Variants in USP33 observed in about 807,000 individuals in gnomAD.
The protein encoded by USP33 is ubiquitin specific peptidase 33.
Under a neutral mutation model 124.2 loss-of-function variants are expected in USP33, and 46 were observed. That is an observed-to-expected ratio of 0.37 (90% CI 0.29 to 0.47). The LOEUF (loss-of-function observed/expected upper bound fraction) is 0.47. USP33 is among the 20% of genes least tolerant of loss of function. The pLI, the probability that USP33 is intolerant of heterozygous loss-of-function variation, is 0.99. For missense variants in USP33, 851 were observed against 1,070.6 expected, an observed-to-expected ratio of 0.79 and a Z score of 2.86; for synonymous variants, 350 against 352.3, an observed-to-expected ratio of 0.99 and a Z score of 0.07.
rs1674105638 is a variant in USP33 at position 77,702,162 on chromosome 1, A to C, written c.2407-691T>G. On this transcript the variant is annotated intron_variant, in intron 21 of 23. Coordinates refer to ENST00000370794, the MANE Select transcript of USP33 (RefSeq NM_201624.3). ...GTCTCAAAAAAAAAAAAAAAAAAAAAAAAAAAAAAAAAAAACCAGTGGTAC... is the reference window on the plus strand; with the variant it reads ...GTCTCAAAAAAAAAAAAAAAAAAAACAAAAAAAAAAAAAAACCAGTGGTAC... Among the ~76,000 whole-genome samples the C allele has an allele frequency of 2.8e-5, 4 of 145,388 alleles. No homozygotes were observed. The South Asian group carries it at 6.5e-4, about 24-fold the overall frequency.
chr1:77,750,241 C>A (rs923981056), intron 1 of USP33, among the ~76,000 whole-genome samples: 3 of 152,196 alleles, frequency 2.0e-5, no homozygotes, highest in Middle Eastern at 3.4e-3. Context: ...TCACTTGAAC[C>A]CAGGAGGCAG....
chr1:77,738,373 C>T (rs2101535986), intron 5 of USP33, among the ~76,000 whole-genome samples: 1 of 152,230 alleles, frequency 6.6e-6, no homozygotes, highest in Non-Finnish European at 1.5e-5. Context: ...AGTTAATTTC[C>T]TTTTTCCTAT....
Position 77,697,400 on chromosome 1 carries a change from T to C in USP33, c.2653A>G (p.Ile885Val). 1 of 1,613,612 alleles carries C rather than the reference T, an allele frequency of 6.2e-7. No individual in the cohort carries two copies. Among genetic ancestry groups the C allele is most frequent in the South Asian group, 1.1e-5 (1 of 90,924 alleles). Residue 885 changes from isoleucine (I) to valine (V), a missense_variant, in exon 24 of 24, where the codon ATC becomes GTC. Around this residue, in one of 4 missense-constraint regions of USP33, gnomAD observed 142 missense variants for 141.8 expected, o/e 1.00. Transcript: ENST00000370794. ...QSIYGGGPEV[I>V]LRPPVVHVDP... ...ACATGAACAACCGGAGGTCGCAGGA[T>C]AACTTCAGGCCCTCCACCATAAATA...
chr1:77,757,787 C>G lies in USP33; in HGVS notation c.-52+1856G>C, dbSNP rs117280696. On this transcript the variant is annotated intron_variant, in intron 1 of 23. Coordinates refer to ENST00000370794, the MANE Select transcript of USP33 (RefSeq NM_201624.3). ...TTTCAGGCTTTACGAAATTCTGATC[C>G]TTACACAATCTTGAAATGTTTCTGT... Among the ~76,000 whole-genome samples the G allele has an allele frequency of 3.3e-3, 500 of 152,260 alleles. 4 individuals carry two copies. The highest frequency in any genetic ancestry group is 0.024 in the East Asian group (122 of 5,184).
chr1:77,722,410 T>A, intron 12 of USP33: 1 of 469,890 alleles, frequency 2.1e-6, no homozygotes, highest in South Asian at 2.6e-5. Context: ...GTACCAGGTA[T>A]CTTCACGTAA....
intron 20 of USP33, among the ~76,000 whole-genome samples, chr1:77,712,675 G>A (rs1282433262): frequency 6.6e-6 from 1 of 151,866 alleles, no homozygotes. Flanking sequence ...AGGCAACATG[G>A]CAAAACCCCA....
chr1:77,733,584 C>T (rs1678093922), intron 7 of USP33, among the ~76,000 whole-genome samples: 1 of 152,062 alleles, frequency 6.6e-6, no homozygotes, highest in South Asian at 2.1e-4. Flanking sequence ...ATCCCTAATA[C>T]AAAATACAAA....
At chr1:77,756,853 A>G (rs1173115453) in intron 1 of USP33, among the ~76,000 whole-genome samples, 1 of 152,176 alleles carries the variant, frequency 6.6e-6, no homozygotes, top group Admixed American at 6.5e-5. Context: ...TAATGGTCAC[A>G]ATCTAGCTTA....
rs1674120589 is a variant in USP33 at position 77,702,179 on chromosome 1, C to CAAA, written c.2407-709_2407-708insTTT. Among the ~76,000 whole-genome samples, 26 of 46,638 alleles carry CAAA rather than the reference C, an allele frequency of 5.6e-4. 4 individuals carry two copies. The highest frequency in any genetic ancestry group is 1.1e-3 in the Non-Finnish European group (22 of 19,918). 30.6% of individuals were successfully genotyped at this position (46,638 alleles called of 152,430 possible). A position where few individuals can be genotyped will look rare whatever the true frequency, so the allele number is the denominator to read the frequency against. On this transcript the variant is annotated intron_variant, in intron 21 of 23. Transcript: ENST00000370794. ...AAAAAAAAAAAAAAAAAAAAAAAAC[C>CAAA]AGTGGTACAGTAAGATGTATGCTAA...
intron 12 of USP33, among the ~76,000 whole-genome samples, chr1:77,722,565 T>C (rs2101392482): frequency 6.6e-6 from 1 of 152,242 alleles, no homozygotes; most frequent in East Asian, 1.9e-4. Context: ...ATGGTAGTTT[T>C]AAAATATTTT....
intron 1 of USP33, among the ~76,000 whole-genome samples, chr1:77,748,799 G>C (rs1342126379): frequency 1.1e-5 from 1 of 92,870 alleles, no homozygotes; most frequent in Non-Finnish European, 2.0e-5. Context: ...CCCCGTGCTT[G>C]AATCAGGATT....
intron 9 of USP33, 111 bp downstream of exon 9, chr1:77,729,745 AAAAG>A (rs752795705): frequency 3.6e-4 from 327 of 916,822 alleles, no homozygotes; most frequent in Non-Finnish European, 5.3e-4. Context: ...TATTCTTGGC[AAAAG>A]AAAGACACAA....
chr1:77,748,128 T>A (rs910085937), intron 1 of USP33, among the ~76,000 whole-genome samples: 1 of 152,232 alleles, frequency 6.6e-6, no homozygotes, highest in East Asian at 1.9e-4. Flanking sequence ...CAAAAAGTTT[T>A]ACTTCTTTTC....
chr1:77,702,653 G>A (rs1051319212), intron 21 of USP33, among the ~76,000 whole-genome samples: 1 of 152,068 alleles, frequency 6.6e-6, no homozygotes, highest in East Asian at 1.9e-4. Context: ...TGACCTAATG[G>A]TTAGAATGGA....
chr1:77,755,725 T>C (rs1408780339), intron 1 of USP33, among the ~76,000 whole-genome samples: 1 of 152,186 alleles, frequency 6.6e-6, no homozygotes, highest in East Asian at 1.9e-4. Flanking sequence ...GAAATTCCTC[T>C]TCTAGGATTT....
chr1:77,759,785 GC>G lies in USP33; in HGVS notation c.-195del. The G allele has an allele frequency of 2.5e-6, 1 of 397,846 alleles. No homozygotes were observed. Among genetic ancestry groups the G allele is most frequent in the Non-Finnish European group, 4.4e-6 (1 of 225,516 alleles). 24.6% of individuals were successfully genotyped at this position (397,846 alleles called of 1,614,324 possible). A position where few individuals can be genotyped will look rare whatever the true frequency, so the allele number is the denominator to read the frequency against. On this transcript the variant is annotated 5_prime_UTR_variant, in exon 1 of 24. Transcript: ENST00000370794. ...GGCCGGAAAACGGCCCCGCAGCGCT[GC>G]CCTCGGGGGGTCCGCCTCCTGAACT... is the stretch of plus-strand genomic sequence containing the variant.
intron 22 of USP33, among the ~76,000 whole-genome samples, chr1:77,699,268 C>T (rs1012754641): frequency 6.6e-6 from 1 of 152,152 alleles, no homozygotes; most frequent in Non-Finnish European, 1.5e-5. Context: ...TGCCTGTAAT[C>T]CCACCACTTT....
chr1:77,703,637 A>T (rs1478529474), intron 21 of USP33, among the ~76,000 whole-genome samples: 1 of 152,082 alleles, frequency 6.6e-6, no homozygotes. Context: ...AGTAAAATAA[A>T]ATATAAAACT....
At chr1:77,714,924 G>C in intron 18 of USP33, 141 bp from the exon 19 acceptor site, 1 of 825,852 alleles carries the variant, frequency 1.2e-6, no homozygotes, top group Non-Finnish European at 1.9e-6. Context: ...AATATACTTT[G>C]TATTATCCAC....
Sources: gnomAD v4.1 joint callset for allele counts (sites outside exome capture counted in the v4.1 genomes callset) on GRCh38, gnomAD v4.1.1 for gene constraint, gnomAD v4.1.1 regional missense constraint, MANE v1.5 for transcripts, NCBI Gene and HGNC (gene_info 2026-07-23, HGNC 2026-07-21) for gene names.